RNF216: variants seen among roughly 807,000 people sequenced by gnomAD.
The protein encoded by RNF216 is ring finger protein 216.
In RNF216, 72 loss-of-function variants were observed where a neutral mutation model predicts 110.8. The observed-to-expected ratio is 0.65, with a 90% confidence interval of 0.54 to 0.79. The LOEUF is 0.79. Among genes scored for constraint, RNF216 ranks in the 30% least tolerant of loss-of-function variants. The probability of loss-of-function intolerance (pLI) is 0.00; values close to 1 mark genes in which losing one functional copy is unlikely to be tolerated. For missense variants in RNF216, 1,342 were observed against 1,141.2 expected (o/e 1.18, Z -2.54); for synonymous variants, 495 against 407.5 (o/e 1.21, Z -2.59).
intron 2 of RNF216, among the ~76,000 whole-genome samples, chr7:5,758,114 A>G (rs565256130): frequency 6.6e-6 from 1 of 152,376 alleles, no homozygotes; most frequent in Non-Finnish European, 1.5e-5. Flanking sequence ...CAAAGTCAGT[A>G]ATTTTCCAAA....
At chr7:5,729,960 A>T (rs1333584247) in intron 6 of RNF216, among the ~76,000 whole-genome samples, 1 of 152,236 alleles carries the variant, frequency 6.6e-6, no homozygotes, top group Non-Finnish European at 1.5e-5. Context: ...AGATCTTAAT[A>T]AAGTTAGTTC....
At position 5,729,603 on chromosome 7, in the gene RNF216, T is replaced by C. The variant is rs778934385; in HGVS notation, c.1225-7A>G. Reference sequence around the variant, plus strand: ...AAAAGTCTATTTTAGGCAACTGAAATGAGAGAGAAGCATAAAATCAGAGGC... The same window carrying C: ...AAAAGTCTATTTTAGGCAACTGAAACGAGAGAGAAGCATAAAATCAGAGGC... On this transcript the variant is annotated splice_polypyrimidine_tract_variant and splice_region_variant and intron_variant, in intron 6 of 16. Transcript: ENST00000389902. 6.2e-6 allele frequency: 10 copies of C among 1,612,420 alleles called. No homozygotes were observed. The highest frequency in any genetic ancestry group is 5.5e-5 in the South Asian group (5 of 91,026).
At chr7:5,646,960 T>C (rs973610674) in intron 14 of RNF216, among the ~76,000 whole-genome samples, 1 of 152,304 alleles carries the variant, frequency 6.6e-6, no homozygotes, top group South Asian at 2.1e-4. Flanking sequence ...TTTCTGAGCA[T>C]GTGTTGAGCC....
intron 13 of RNF216, among the ~76,000 whole-genome samples, chr7:5,705,803 A>G (rs1390177416): frequency 3.3e-5 from 5 of 152,138 alleles, no homozygotes; most frequent in Non-Finnish European, 4.4e-5. Context: ...GCTACTCGGG[A>G]GGCTGGGGCA....
intron 3 of RNF216, among the ~76,000 whole-genome samples, chr7:5,744,383 A>T (rs1395666513): frequency 1.3e-5 from 2 of 152,188 alleles, no homozygotes; most frequent in Non-Finnish European, 2.9e-5. Context: ...AAGAACAAAA[A>T]GGTCTTCAAA....
Position 5,759,418 on chromosome 7 carries a change from G to C in RNF216, c.67+1585C>G, listed in dbSNP as rs529861308. 5.3e-5 allele frequency among the ~76,000 whole-genome samples: 8 copies of C among 152,024 alleles called. No homozygotes were observed. The South Asian group carries it at 1.7e-3, about 32-fold the overall frequency. ...TGATGAAGATGAAGACCTTTAGAATGGTCCACTTCCACTTAAGGAACAGTA... is the reference window on the plus strand; with the variant it reads ...TGATGAAGATGAAGACCTTTAGAATCGTCCACTTCCACTTAAGGAACAGTA... On this transcript the variant is annotated intron_variant, in intron 2 of 16. Coordinates refer to ENST00000389902, the MANE Select transcript of RNF216 (RefSeq NM_207111.4).
At chr7:5,655,511 C>A (rs1788682508) in intron 13 of RNF216, among the ~76,000 whole-genome samples, 1 of 151,974 alleles carries the variant, frequency 6.6e-6, no homozygotes, top group Non-Finnish European at 1.5e-5. Flanking sequence ...GAGGCTGAGG[C>A]AGGAGAATTG....
At chr7:5,737,303 T>A (rs1794478505) in intron 5 of RNF216, among the ~76,000 whole-genome samples, 1 of 152,124 alleles carries the variant, frequency 6.6e-6, no homozygotes. Context: ...TGTGCTGTGT[T>A]AAACACATGC....
At chr7:5,710,302 G>A (rs1169949331) in intron 13 of RNF216, among the ~76,000 whole-genome samples, 1 of 151,884 alleles carries the variant, frequency 6.6e-6, no homozygotes, top group Non-Finnish European at 1.5e-5. Flanking sequence ...GGAGGTTGCA[G>A]TGAGCTGAGA....
intron 2 of RNF216, among the ~76,000 whole-genome samples, chr7:5,755,955 A>T (rs1438276794): frequency 2.4e-5 from 3 of 124,106 alleles, no homozygotes; most frequent in Non-Finnish European, 5.3e-5. Context: ...AATCATGCTC[A>T]TTCATTTATA....
At chr7:5,686,394 A>G (rs951116173) in intron 13 of RNF216, among the ~76,000 whole-genome samples, 2 of 152,142 alleles carry the variant, frequency 1.3e-5, no homozygotes, top group African/African-American at 4.8e-5. Flanking sequence ...GGGACAGAAA[A>G]CAGGATCCCC....
intron 13 of RNF216, among the ~76,000 whole-genome samples, chr7:5,673,400 G>C (rs997695916): frequency 1.3e-5 from 2 of 152,218 alleles, no homozygotes; most frequent in Non-Finnish European, 2.9e-5. Flanking sequence ...CAGGCAGGCA[G>C]GTGGGGGACT....
At chr7:5,635,461 TC>T (rs1451331128) in intron 15 of RNF216, among the ~76,000 whole-genome samples, 1 of 152,196 alleles carries the variant, frequency 6.6e-6, no homozygotes, top group Non-Finnish European at 1.5e-5. Context: ...AAAATCAGTT[TC>T]CAACCTAAAA....
At chr7:5,644,394 CTTA>C (rs1787925446) in intron 14 of RNF216, among the ~76,000 whole-genome samples, 1 of 152,130 alleles carries the variant, frequency 6.6e-6, no homozygotes, top group Non-Finnish European at 1.5e-5. Context: ...GAAGCGGTAT[CTTA>C]TTATAGTTCT....
chr7:5,725,399 G>C lies in RNF216; in HGVS notation c.1429C>G (p.Pro477Ala), dbSNP rs761069998. 2 of 1,613,784 alleles carry C rather than the reference G, an allele frequency of 1.2e-6. No individual in the cohort carries two copies. The highest frequency in any genetic ancestry group is 1.7e-6 in the Non-Finnish European group (2 of 1,179,700). ...TTCTTCCTTTTTCCACTGGTTTCTGGTGACAGCTCCTGCCATTTTTTAATG... is the reference window on the plus strand; with the variant it reads ...TTCTTCCTTTTTCCACTGGTTTCTGCTGACAGCTCCTGCCATTTTTTAATG... Reference protein sequence around the residue: ...DAIKKWQELSPETSGKRKKRK... With the variant: ...DAIKKWQELSAETSGKRKKRK... The change falls in exon 8 of 17, where the codon CCA becomes GCA. Residue 477 changes from proline to alanine, a missense_variant. Pro to Ala is a conservative substitution (Grantham distance 27). Coordinates refer to ENST00000389902, the MANE Select transcript of RNF216 (RefSeq NM_207111.4).
chr7:5,720,484 G>A (rs1793349418), intron 9 of RNF216, among the ~76,000 whole-genome samples: 1 of 152,198 alleles, frequency 6.6e-6, no homozygotes, highest in Admixed American at 6.5e-5. Context: ...GTCAACGGTA[G>A]GCTGTTCACA....
intron 13 of RNF216, among the ~76,000 whole-genome samples, chr7:5,709,258 A>G (rs559413827): frequency 1.3e-5 from 2 of 152,224 alleles, no homozygotes; most frequent in South Asian, 4.1e-4. Flanking sequence ...TGAATATTAG[A>G]TATATGTTCC....
chr7:5,636,558 G>A (rs570397426), intron 15 of RNF216, among the ~76,000 whole-genome samples: 10 of 152,256 alleles, frequency 6.6e-5, no homozygotes, highest in African/African-American at 1.9e-4. Context: ...CAGAGAACAG[G>A]CTTGTGTGAC....
intron 1 of RNF216, among the ~76,000 whole-genome samples, chr7:5,762,317 G>GT (rs1795976746): frequency 6.6e-6 from 1 of 151,998 alleles, no homozygotes; most frequent in African/African-American, 2.4e-5. Flanking sequence ...AAGGTGAGGA[G>GT]TTTGAGACCA....
Sources: gnomAD v4.1 joint callset for allele counts (sites outside exome capture counted in the v4.1 genomes callset) on GRCh38, gnomAD v4.1.1 for gene constraint, MANE v1.5 for transcripts, NCBI Gene and HGNC (gene_info 2026-07-23, HGNC 2026-07-21) for gene names.